The following C1orf105 variants were observed in gnomAD, a reference collection of about 807,000 sequenced individuals.
The protein encoded by C1orf105 is chromosome 1 open reading frame 105.
A neutral mutation model predicts 20.8 loss-of-function variants in C1orf105; 17 were observed. The observed-to-expected ratio is 0.82, with a 90% CI of 0.56 to 1.23. C1orf105 has a LOEUF of 1.23. Among genes scored for constraint, C1orf105 ranks in the 50% most tolerant of loss-of-function variants. C1orf105 has a pLI of 0.00. For synonymous variants in C1orf105, 72 were observed against 72.1 expected (o/e 1.00, Z 0.01); for missense variants, 219 against 213.5 (o/e 1.03, Z -0.16).
intron 3 of C1orf105, chr1:172,452,886 T>C: frequency 6.8e-7 from 1 of 1,476,490 alleles, no homozygotes; most frequent in Non-Finnish European, 9.0e-7. Flanking sequence ...CATTGTACTG[T>C]GAATGTGGAC....
chr1:172,466,355 G>T (rs960972909), intron 6 of C1orf105, among the ~76,000 whole-genome samples: 1 of 152,108 alleles, frequency 6.6e-6, no homozygotes, highest in East Asian at 1.9e-4. Context: ...AGCCAAAGTG[G>T]AACCAAGAGC....
chr1:172,422,244 G>T (rs1426939640), intron 1 of C1orf105, among the ~76,000 whole-genome samples: 6 of 152,330 alleles, frequency 3.9e-5, no homozygotes, highest in Admixed American at 1.3e-4. Flanking sequence ...CTTGAGGAGA[G>T]AAGAGGGAAG....
chr1:172,457,088 A>G (rs1344594176), intron 4 of C1orf105, among the ~76,000 whole-genome samples: 1 of 152,224 alleles, frequency 6.6e-6, no homozygotes, highest in Non-Finnish European at 1.5e-5. Context: ...AACTTCTGCC[A>G]TGCCATCTAT....
chr1:172,435,182 G>A lies in C1orf105; in HGVS notation c.22-9891G>A, dbSNP rs535855011. Among the ~76,000 whole-genome samples the A allele has an allele frequency of 3.9e-5, 6 of 152,278 alleles. No individual in the cohort carries two copies. The South Asian group carries it at 1.0e-3, about 26-fold the overall frequency. Reference sequence around the variant, plus strand: ...CTACCAGAGGTAAAAAGAGGAGCTGGTACCATTCCTTCTGAAACTATTCCA... The same window carrying A: ...CTACCAGAGGTAAAAAGAGGAGCTGATACCATTCCTTCTGAAACTATTCCA... On this transcript the variant is annotated intron_variant, in intron 1 of 6. Transcript: ENST00000367727.
chr1:172,427,927 G>A (rs1342363698), intron 1 of C1orf105, among the ~76,000 whole-genome samples: 1 of 151,978 alleles, frequency 6.6e-6, no homozygotes, highest in Admixed American at 6.6e-5. Flanking sequence ...CAAACTCCAA[G>A]GTCATATTTC....
At chr1:172,450,435 G>A (rs1272101526) in intron 3 of C1orf105, among the ~76,000 whole-genome samples, 3 of 152,256 alleles carry the variant, frequency 2.0e-5, no homozygotes, top group Non-Finnish European at 4.4e-5. Flanking sequence ...CGTGTATGAA[G>A]GCCTGCACGT....
At chr1:172,467,821 C>G (rs949460129) in intron 6 of C1orf105, among the ~76,000 whole-genome samples, 1 of 152,114 alleles carries the variant, frequency 6.6e-6, no homozygotes, top group African/African-American at 2.4e-5. Context: ...TGGTTTACCC[C>G]CATTCAAGTT....
intron 6 of C1orf105, 83 bp from the exon 7 acceptor site, chr1:172,468,366 T>A: frequency 1.8e-6 from 2 of 1,092,548 alleles, no homozygotes; most frequent in Non-Finnish European, 2.5e-6. Flanking sequence ...GAAGTCTTTG[T>A]TGGCCTGTGG....
chr1:172,434,116 G>A (rs1301011347), intron 1 of C1orf105, among the ~76,000 whole-genome samples: 2 of 152,134 alleles, frequency 1.3e-5, no homozygotes, highest in African/African-American at 4.8e-5. Flanking sequence ...AGTCCTTAGA[G>A]ACCTACAAAG....
chr1:172,451,894 C>T (rs1337510898), intron 3 of C1orf105, among the ~76,000 whole-genome samples: 5 of 74,208 alleles, frequency 6.7e-5, no homozygotes, highest in Admixed American at 2.2e-4. Context: ...TTTTTTGAGA[C>T]GGAATCTCAC....
intron 1 of C1orf105, among the ~76,000 whole-genome samples, chr1:172,424,015 GA>G (rs1275081465): frequency 1.3e-5 from 2 of 152,112 alleles, no homozygotes; most frequent in Non-Finnish European, 2.9e-5. Flanking sequence ...AGTTACTATT[GA>G]ATCTAAATAC....
At chr1:172,441,352 TAC>T (rs55669322) in intron 1 of C1orf105, 6,981 of 156,786 alleles carry the variant, frequency 0.045, 502 homozygotes, top group African/African-American at 0.15. Flanking sequence ...GAAGTGACTT[TAC>T]ACACACACAC....
At chr1:172,441,958 G>A (rs1216467109) in intron 1 of C1orf105, 1 of 1,614,194 alleles carries the variant, frequency 6.2e-7, no homozygotes, top group Non-Finnish European at 8.5e-7. Flanking sequence ...GGGAGTACAT[G>A]CCTTTAGTTT....
rs774871441 is a variant in C1orf105 at position 172,442,528 on chromosome 1, C to T, written c.22-2545C>T. The T allele has an allele frequency of 3.7e-6, 6 of 1,614,040 alleles. No individual in the cohort carries two copies. In the African/African-American group the frequency reaches 5.3e-5, roughly 14 times the overall value. ...GTTTTTCCGGAGCTCTTCCAGGAAT[C>T]GCCGGTCCACATAGTTATCAGGAAA... On this transcript the variant is annotated intron_variant, in intron 1 of 6. Coordinates refer to ENST00000367727, the MANE Select transcript of C1orf105 (RefSeq NM_139240.4).
chr1:172,428,879 A>G (rs1558123995), intron 1 of C1orf105: 7 of 678,914 alleles, frequency 1.0e-5, no homozygotes, highest in Non-Finnish European at 1.9e-5. Context: ...GAAGCCACAC[A>G]CTATAAAAAT....
chr1:172,432,619 C>A (rs1051673618), intron 1 of C1orf105, among the ~76,000 whole-genome samples: 1 of 152,206 alleles, frequency 6.6e-6, no homozygotes, highest in Non-Finnish European at 1.5e-5. Context: ...AGGTCACCAA[C>A]ATCAAACACC....
chr1:172,431,170 A>T, intron 1 of C1orf105: 1 of 465,444 alleles, frequency 2.1e-6, no homozygotes. Context: ...CAAAAGTAGA[A>T]ATGATTAAGC....
chr1:172,437,820 T>C lies in C1orf105; in HGVS notation c.22-7253T>C, dbSNP rs576057886. Reference sequence around the variant, plus strand: ...TGACAAAGGTAGCTACACTCAACAATAGATATTCAATGTAGATAAAAAAGC... The same window carrying C: ...TGACAAAGGTAGCTACACTCAACAACAGATATTCAATGTAGATAAAAAAGC... On this transcript the variant is annotated intron_variant, in intron 1 of 6. Transcript: ENST00000367727. Among the ~76,000 whole-genome samples the C allele has an allele frequency of 1.4e-3, 220 of 151,882 alleles. 2 individuals are homozygous for C. The highest frequency in any genetic ancestry group is 2.7e-3 in the Non-Finnish European group (183 of 67,928).
rs116405134 is a variant in C1orf105, at chr1:172,437,964, G to A, written c.22-7109G>A. ...CTAATGTAGTTGGTGACTTGACATCGATGCTCATTTACCATTCTGAAAATC... is the reference window on the plus strand; with the variant it reads ...CTAATGTAGTTGGTGACTTGACATCAATGCTCATTTACCATTCTGAAAATC... On this transcript the variant is annotated intron_variant, in intron 1 of 6. Transcript: ENST00000367727. 1.7e-3 allele frequency among the ~76,000 whole-genome samples: 262 copies of A among 152,068 alleles called. 1 individual carries two copies. The highest frequency in any genetic ancestry group is 6.1e-3 in the African/African-American group (253 of 41,468).
Sources: gnomAD v4.1 joint callset for allele counts (sites outside exome capture counted in the v4.1 genomes callset) on GRCh38, gnomAD v4.1.1 for gene constraint, MANE v1.5 for transcripts, NCBI Gene and HGNC (gene_info 2026-07-23, HGNC 2026-07-21) for gene names.